The following PLAT variants were observed in gnomAD, a reference collection of about 807,000 sequenced individuals.
PLAT encodes plasminogen activator, tissue type, also known as tissue-type plasminogen activator.
A neutral mutation model predicts 74.9 loss-of-function variants in PLAT; 48 were observed. That is an observed-to-expected ratio of 0.64 (90% CI 0.51 to 0.82). PLAT has a LOEUF of 0.82. PLAT is among the 40% of genes least tolerant of loss of function. The pLI is 0.00. For missense variants in PLAT, 673 were observed against 736.2 expected (o/e 0.91, Z 0.99); for synonymous variants, 307 against 294.4 (o/e 1.04, Z -0.44).
intron 1 of PLAT, among the ~76,000 whole-genome samples, chr8:42,203,040 G>A (rs1585440184): frequency 6.6e-6 from 1 of 152,190 alleles, no homozygotes; most frequent in Non-Finnish European, 1.5e-5. Flanking sequence ...CTGGGAGGAC[G>A]TGTGCTTTGG....
chr8:42,197,128 T>C (rs113855384), intron 1 of PLAT, among the ~76,000 whole-genome samples: 4 of 152,222 alleles, frequency 2.6e-5, no homozygotes, highest in African/African-American at 9.6e-5. Flanking sequence ...GCATGGCAGG[T>C]TGACAAAGAA....
chr8:42,199,378 A>G (rs1000068928), intron 1 of PLAT, among the ~76,000 whole-genome samples: 1 of 152,198 alleles, frequency 6.6e-6, no homozygotes, highest in African/African-American at 2.4e-5. Flanking sequence ...AGGCTGAGGC[A>G]GGAGCATCAC....
chr8:42,181,121 C>T (rs1805222755), intron 9 of PLAT, among the ~76,000 whole-genome samples: 1 of 152,224 alleles, frequency 6.6e-6, no homozygotes, highest in African/African-American at 2.4e-5. Flanking sequence ...CCCACCTGCT[C>T]AGCTCTGAGG....
intron 7 of PLAT, 65 bp downstream of exon 7, chr8:42,185,016 G>T: frequency 2.7e-6 from 3 of 1,104,274 alleles, no homozygotes; most frequent in Non-Finnish European, 3.9e-6. Flanking sequence ...AGGGCTATCG[G>T]CCTGTCCTCC....
chr8:42,187,317 C>A (rs533454000), intron 6 of PLAT, 81 bp downstream of exon 6: 225 of 1,284,420 alleles, frequency 1.8e-4, no homozygotes, highest in Middle Eastern at 5.9e-4. Context: ...CTTGGGAGAA[C>A]CCTGACGGAT....
At chr8:42,203,771 C>T (rs1037503831) in intron 1 of PLAT, among the ~76,000 whole-genome samples, 3 of 151,844 alleles carry the variant, frequency 2.0e-5, no homozygotes, top group African/African-American at 7.3e-5. Flanking sequence ...TTGAGACTAG[C>T]CTGGGCAACA....
At position 42,175,046 on chromosome 8, in the gene PLAT, A is replaced by AT. The variant is rs1288262090; in HGVS notation, c.*946dup. On this transcript the variant is annotated 3_prime_UTR_variant, in exon 14 of 14. Transcript: ENST00000220809. Reference sequence around the variant, plus strand: ...ACCTTGGTACTTCTCTAAATGCCATATTAGCCCATCAGACCAAGCATTCCT... The same window carrying AT: ...ACCTTGGTACTTCTCTAAATGCCATATTTAGCCCATCAGACCAAGCATTCCT... Among the ~76,000 whole-genome samples, 1 of 152,178 alleles carries AT rather than the reference A, an allele frequency of 6.6e-6. No homozygotes were observed. Among genetic ancestry groups the AT allele is most frequent in the Non-Finnish European group, 1.5e-5 (1 of 68,032 alleles).
At chr8:42,182,136 A>G (rs558187912) in intron 8 of PLAT, 114 bp from the exon 9 acceptor site, 41 of 643,276 alleles carry the variant, frequency 6.4e-5, no homozygotes, top group South Asian at 4.4e-4. Context: ...GGCTCAAGCA[A>G]TCCTCCTGCC....
chr8:42,196,334 T>C (rs938543826), intron 1 of PLAT, among the ~76,000 whole-genome samples: 1 of 152,344 alleles, frequency 6.6e-6, no homozygotes, highest in South Asian at 2.1e-4. Context: ...TTGGCTTCCC[T>C]GGACCTTCCT....
chr8:42,203,992 T>TAGAC (rs1554499838), intron 1 of PLAT, among the ~76,000 whole-genome samples: 3 of 109,894 alleles, frequency 2.7e-5, no homozygotes, highest in Non-Finnish European at 5.0e-5. Context: ...TATATATATA[T>TAGAC]ACACACACAC....
chr8:42,193,072 C>G (rs1251787917), intron 2 of PLAT, 42 bp downstream of exon 2: 1 of 1,418,138 alleles, frequency 7.1e-7, no homozygotes, highest in Non-Finnish European at 1.0e-6. Flanking sequence ...CCGGAAGCAT[C>G]ACAGCCTTGA....
intron 1 of PLAT, among the ~76,000 whole-genome samples, chr8:42,200,673 T>TC (rs1384787319): frequency 6.3e-4 from 18 of 28,772 alleles, no homozygotes; most frequent in African/African-American, 2.8e-3. Context: ...AGATCCTGTC[T>TC]CAAAAAAAAA....
At chr8:42,186,926 CATCT>C (rs1391154915) in intron 6 of PLAT, 2 of 152,748 alleles carry the variant, frequency 1.3e-5, no homozygotes, top group African/African-American at 4.8e-5. Flanking sequence ...ATCTATCAAT[CATCT>C]ATCATCTGTC....
chr8:42,194,241 AGTGTGTGTGTGT>A (rs36208802), intron 1 of PLAT, among the ~76,000 whole-genome samples: 1,208 of 52,450 alleles, frequency 0.023, 15 homozygotes, highest in South Asian at 0.064. Flanking sequence ...AGAGAGAGAG[AGTGTGTGTGTGT>A]GTGTGTGTGT....
intron 2 of PLAT, among the ~76,000 whole-genome samples, chr8:42,192,739 A>G (rs1280095065): frequency 2.6e-5 from 4 of 152,204 alleles, no homozygotes; most frequent in Admixed American, 1.3e-4. Flanking sequence ...GGATTTTGGT[A>G]TCCTTGGGGG....
In PLAT at chr8:42,175,898, G is replaced by T; in HGVS notation, c.*95C>A. On this transcript the variant is annotated 3_prime_UTR_variant, in exon 14 of 14. Transcript: ENST00000220809. Reference sequence around the variant, plus strand: ...CCCGCTTCTGCGGTGTGGTGGGTCTGGAGAAGTCTGTAGAGAAGCACTGCG... The same window carrying T: ...CCCGCTTCTGCGGTGTGGTGGGTCTTGAGAAGTCTGTAGAGAAGCACTGCG... The T allele has an allele frequency of 8.0e-7, 1 of 1,255,186 alleles. No individual in the cohort carries two copies. The highest frequency in any genetic ancestry group is 1.1e-6 in the Non-Finnish European group (1 of 874,810). 77.8% of individuals were successfully genotyped at this position (1,255,186 alleles called of 1,614,324 possible).
chr8:42,198,889 C>T (rs1806021157), intron 1 of PLAT, among the ~76,000 whole-genome samples: 1 of 152,218 alleles, frequency 6.6e-6, no homozygotes, highest in Admixed American at 6.5e-5. Context: ...CCGCCACAAC[C>T]ACCATAGCCC....
At chr8:42,176,340 G>C (rs1804974092) in intron 13 of PLAT, among the ~76,000 whole-genome samples, 189 bp from the exon 14 acceptor site, 1 of 152,210 alleles carries the variant, frequency 6.6e-6, no homozygotes, top group African/African-American at 2.4e-5. Flanking sequence ...GACACTGTCT[G>C]CCTGGGTTTT....
intron 1 of PLAT, among the ~76,000 whole-genome samples, chr8:42,197,965 C>T (rs891401370): frequency 1.3e-5 from 2 of 152,146 alleles, no homozygotes; most frequent in Non-Finnish European, 2.9e-5. Flanking sequence ...GAACATACGA[C>T]ATGGGGAGTG....
Sources: allele counts gnomAD v4.1 joint callset (sites outside exome capture counted in the v4.1 genomes callset), GRCh38; gene constraint gnomAD v4.1.1; transcripts MANE v1.5; gene names NCBI Gene and HGNC (gene_info 2026-07-23, HGNC 2026-07-21).